Variants in OFD1 observed in about 807,000 individuals in gnomAD.
The protein encoded by OFD1 is OFD1 centriole and centriolar satellite protein.
OFD1 carries 12 observed loss-of-function variants against 81.4 expected under a neutral mutation model. The observed-to-expected ratio is 0.15, with a 90% confidence interval of 0.09 to 0.24. OFD1 has a LOEUF of 0.24. Ranked by LOEUF, OFD1 falls within the 10% of genes least tolerant of loss-of-function variation. The pLI, the probability that OFD1 is intolerant of heterozygous loss-of-function variation, is 1.00. For synonymous variants in OFD1, 256 were observed against 263.7 expected (o/e 0.97, Z 0.28); for missense variants, 685 against 733.9 (o/e 0.93, Z 0.77).
At chrX:13,727,799 A>G in the OFD1 span, among the ~76,000 whole-genome samples, 16 of 112,240 alleles carry the variant, frequency 1.4e-4, no homozygotes, top group African/African-American at 5.2e-4. Context: ...TAAAAAATCA[A>G]TGAATCCAGG....
chrX:13,772,885 G>A (rs2048326711), downstream of OFD1: 1 of 1,208,564 alleles, frequency 8.3e-7, no homozygotes, highest in African/African-American at 1.7e-5. Flanking sequence ...AAACATTTAT[G>A]TGTAAGAATT....
At chrX:13,758,165 T>C (rs2047783372) in intron 14 of OFD1, among the ~76,000 whole-genome samples, 172 bp from the exon 15 acceptor site, 1 of 110,902 alleles carries the variant, frequency 9.0e-6, no homozygotes, top group Non-Finnish European at 1.9e-5. Flanking sequence ...AGAACTTGTT[T>C]GTGTGTTCTG....
At chrX:13,727,493 A>G in the OFD1 span, among the ~76,000 whole-genome samples, 1 of 112,508 alleles carries the variant, frequency 8.9e-6, no homozygotes, top group South Asian at 3.6e-4. Flanking sequence ...TTGCTCCTGA[A>G]TGACTACTGG....
chrX:13,737,126 C>G (rs2046897181), intron 3 of OFD1, among the ~76,000 whole-genome samples: 1 of 102,449 alleles, frequency 9.8e-6, no homozygotes, highest in Admixed American at 1.2e-4. Flanking sequence ...GGTGGTAAAT[C>G]TAGATCTCTA....
chrX:13,753,801 C>T (rs895580004), intron 11 of OFD1, among the ~76,000 whole-genome samples: 1 of 86,474 alleles, frequency 1.2e-5, no homozygotes, highest in African/African-American at 5.2e-5. Context: ...TTTTCACTTA[C>T]GGAAAACTTT....
At chrX:13,753,143 T>C (rs1042891309) in intron 10 of OFD1, 22 of 1,027,089 alleles carry the variant, frequency 2.1e-5, no homozygotes, top group Middle Eastern at 4.0e-4. Flanking sequence ...TCATTTTGTG[T>C]GATTGAGTTT....
At chrX:13,763,559 C>T (rs1272896577) in intron 18 of OFD1, among the ~76,000 whole-genome samples, 186 bp from the exon 19 acceptor site, 1 of 112,428 alleles carries the variant, frequency 8.9e-6, no homozygotes, top group Non-Finnish European at 1.9e-5. Flanking sequence ...TACGAGAACA[C>T]TCTGACAAGC....
At chrX:13,727,277 C>A in the OFD1 span, among the ~76,000 whole-genome samples, 2 of 112,196 alleles carry the variant, frequency 1.8e-5, no homozygotes, top group East Asian at 2.8e-4. Context: ...GAACTCTCCA[C>A]CCCAAATCAA....
chrX:13,747,899 T>C (rs1212793177), intron 8 of OFD1, among the ~76,000 whole-genome samples: 2 of 111,281 alleles, frequency 1.8e-5, no homozygotes, highest in African/African-American at 6.5e-5. Context: ...AGGGAGTCCA[T>C]GTTGGCAAGC....
Position 13,749,529 on chromosome X carries a change from G to C in OFD1, c.931G>C (p.Glu311Gln). 9.0e-7 allele frequency: 1 copy of C among 1,111,463 alleles called. No homozygotes were observed. Among genetic ancestry groups the C allele is most frequent in the Non-Finnish European group, 1.2e-6 (1 of 805,262 alleles). The allele number at this position is 1,111,463 out of a possible 1,213,427, so 91.6% of individuals were successfully genotyped here. The change falls in exon 9 of 23, where the codon GAA (glutamate) becomes CAA (glutamine). Residue 311 changes from glutamate to glutamine, a missense_variant. Coordinates refer to ENST00000340096, the MANE Select transcript of OFD1 (RefSeq NM_003611.3). ...AELKQRVEAF[E>Q]LNQKLQEEKH... Reference sequence around the variant, plus strand: ...GCTGAAGCAAAGAGTTGAAGCTTTTGAATTGTAAGTAATGCATGTTCATTT... The same window carrying C: ...GCTGAAGCAAAGAGTTGAAGCTTTTCAATTGTAAGTAATGCATGTTCATTT...
intron 8 of OFD1, among the ~76,000 whole-genome samples, chrX:13,747,160 T>C (rs1388223178): frequency 8.9e-6 from 1 of 111,857 alleles, no homozygotes; most frequent in Non-Finnish European, 1.9e-5. Flanking sequence ...GCGAGAACTG[T>C]GGAGGTGAAC....
chrX:13,770,468 C>G (rs1375608178), downstream of OFD1, among the ~76,000 whole-genome samples: 4 of 112,170 alleles, frequency 3.6e-5, no homozygotes, highest in Non-Finnish European at 7.5e-5. Flanking sequence ...AGAGTTTAAA[C>G]AGATTATAAA....
At chrX:13,769,989 C>T (rs956001554), downstream of OFD1, among the ~76,000 whole-genome samples, 1 of 111,952 alleles carries the variant, frequency 8.9e-6, no homozygotes, top group Admixed American at 9.5e-5. Flanking sequence ...TATTATGGAA[C>T]CTTTGGTCCT....
At chrX:13,718,169 T>C in the OFD1 span, among the ~76,000 whole-genome samples, 1 of 113,047 alleles carries the variant, frequency 8.8e-6, no homozygotes, top group Non-Finnish European at 1.9e-5. Flanking sequence ...CAGTTTTTCG[T>C]ACTTTGTTAC....
intron 6 of OFD1, among the ~76,000 whole-genome samples, chrX:13,745,155 A>T (rs140615274): frequency 0.018 from 2,007 of 112,350 alleles, 40 homozygotes; most frequent in African/African-American, 0.062. Context: ...TTGCAAGAAG[A>T]TAAGTTCATA....
chrX:13,746,017 T>C (rs2047281286), intron 6 of OFD1, among the ~76,000 whole-genome samples: 1 of 112,443 alleles, frequency 8.9e-6, no homozygotes, highest in Admixed American at 9.4e-5. Context: ...ACTCTTGGCT[T>C]TCTTTTTCCT....
chrX:13,755,885 A>C (rs2047682024), intron 12 of OFD1, among the ~76,000 whole-genome samples: 2 of 108,853 alleles, frequency 1.8e-5, no homozygotes, highest in Non-Finnish European at 3.8e-5. Context: ...CAAATATGAG[A>C]TATACTAAGA....
At chrX:13,716,497 C>A in the OFD1 span, 2 of 1,208,457 alleles carry the variant, frequency 1.7e-6, no homozygotes, top group Admixed American at 2.2e-5. Context: ...TGAGCCCAAA[C>A]TTTAGTTAGT....
At chrX:13,772,676 C>T, downstream of OFD1, 1 of 351,824 alleles carries the variant, frequency 2.8e-6, no homozygotes, top group Non-Finnish European at 4.9e-6. Context: ...AAATGGCTAA[C>T]ATGAAACCTC....
Sources: gnomAD v4.1 joint callset for allele counts (sites outside exome capture counted in the v4.1 genomes callset) on GRCh38, gnomAD v4.1.1 for gene constraint, MANE v1.5 for transcripts, NCBI Gene and HGNC (gene_info 2026-07-23, HGNC 2026-07-21) for gene names.